The following MED12L variants were observed in gnomAD, a reference collection of about 807,000 sequenced individuals.
The protein encoded by MED12L is mediator of RNA polymerase II transcription subunit 12-like protein.
In MED12L, 60 loss-of-function variants were observed where a neutral mutation model predicts 281.3. The ratio of observed to expected loss-of-function variants is 0.21; its 90% confidence interval spans 0.17 to 0.26. The LOEUF is 0.26. Among genes scored for constraint, MED12L ranks in the 10% least tolerant of loss-of-function variants. The pLI, the probability that MED12L is intolerant of heterozygous loss-of-function variation, is 1.00. For missense variants in MED12L, 2,146 were observed against 2,680.9 expected, an observed-to-expected ratio of 0.80 and a Z score of 4.41; for synonymous variants, 974 against 987.2, an observed-to-expected ratio of 0.99 and a Z score of 0.25.
chr3:151,158,911 A>G (rs1465496616), intron 7 of MED12L, 112 bp downstream of exon 7: 16 of 724,082 alleles, frequency 2.2e-5, no homozygotes, highest in Non-Finnish European at 3.6e-5. Flanking sequence ...TTGAAATGGA[A>G]GGAAAAAATG....
chr3:151,239,586 A>C (rs1422071807), intron 16 of MED12L, among the ~76,000 whole-genome samples: 1 of 152,220 alleles, frequency 6.6e-6, no homozygotes, highest in Non-Finnish European at 1.5e-5. Context: ...TTAACCTGCT[A>C]TTTAAAAGTT....
intron 23 of MED12L, 86 bp downstream of exon 23, chr3:151,366,077 A>T: frequency 8.7e-7 from 1 of 1,150,724 alleles, no homozygotes; most frequent in East Asian, 2.5e-5. Context: ...GCTTTTATTT[A>T]ATTGATTCAA....
chr3:151,368,455 C>T (rs1021736653), intron 25 of MED12L, among the ~76,000 whole-genome samples: 1 of 151,934 alleles, frequency 6.6e-6, no homozygotes, highest in Admixed American at 6.6e-5. Flanking sequence ...TTGAGAAATA[C>T]GAATCAAGAG....
intron 16 of MED12L, among the ~76,000 whole-genome samples, chr3:151,195,194 G>A (rs746889644): frequency 6.6e-6 from 1 of 152,060 alleles, no homozygotes; most frequent in Non-Finnish European, 1.5e-5. Context: ...GATGTATTAC[G>A]TTACTTTCTG....
intron 42 of MED12L, among the ~76,000 whole-genome samples, chr3:151,416,032 TG>T (rs1046406541): frequency 1.3e-5 from 2 of 152,054 alleles, no homozygotes; most frequent in African/African-American, 4.8e-5. Context: ...GCAGAAGGGA[TG>T]GCCCCGGACA....
chr3:151,303,394 G>A (rs1485776703), intron 16 of MED12L, among the ~76,000 whole-genome samples: 3 of 152,052 alleles, frequency 2.0e-5, no homozygotes, highest in Non-Finnish European at 4.4e-5. Flanking sequence ...CTCCTGGCTG[G>A]TGATGTCTAT....
chr3:151,275,434 T>C (rs963198455), intron 16 of MED12L, among the ~76,000 whole-genome samples: 8 of 151,974 alleles, frequency 5.3e-5, no homozygotes, highest in African/African-American at 1.9e-4. Flanking sequence ...AAACAACAGA[T>C]GGGAGGTTTC....
At chr3:151,417,547 G>A (rs1364760732) in intron 43 of MED12L, among the ~76,000 whole-genome samples, 1 of 130,688 alleles carries the variant, frequency 7.7e-6, no homozygotes, top group Non-Finnish European at 1.5e-5. Context: ...GGAGTGCAGT[G>A]CGATCTCAGC....
rs1250814831 is a variant in MED12L at position 151,220,150 on chromosome 3, G to T, written c.2250+26484G>T. Among the ~76,000 whole-genome samples, 3 of 148,606 alleles carry T rather than the reference G, an allele frequency of 2.0e-5. No homozygotes were observed. The East Asian group carries it at 5.9e-4, about 29-fold the overall frequency. On this transcript the variant is annotated intron_variant, in intron 16 of 44. Transcript: ENST00000687756. ...ATGCCAGTAACCCACTACCCAAGTT[G>T]CGGTAATCAAAAATGTTTCTAGACT... is the stretch of plus-strand genomic sequence containing the variant.
At chr3:151,122,255 C>A (rs1004015754) in intron 3 of MED12L, among the ~76,000 whole-genome samples, 2 of 152,134 alleles carry the variant, frequency 1.3e-5, no homozygotes, top group African/African-American at 2.4e-5. Context: ...TTTAATTGAA[C>A]CTTTTGTAAT....
intron 16 of MED12L, among the ~76,000 whole-genome samples, chr3:151,277,261 G>A (rs1260537077): frequency 6.6e-6 from 1 of 151,508 alleles, no homozygotes; most frequent in Non-Finnish European, 1.5e-5. Flanking sequence ...ATATACCAAT[G>A]TGTTAATTGT....
chr3:151,287,354 A>G (rs1465951899), intron 16 of MED12L, among the ~76,000 whole-genome samples: 11 of 152,192 alleles, frequency 7.2e-5, no homozygotes, highest in South Asian at 2.1e-4. Context: ...GGGTTGAGCT[A>G]CAGTGGGTAC....
intron 32 of MED12L, among the ~76,000 whole-genome samples, chr3:151,380,719 T>G (rs1712148072): frequency 3.3e-5 from 5 of 152,192 alleles, no homozygotes; most frequent in Admixed American, 3.3e-4. Context: ...CAACTTTATA[T>G]TAATGAGATA....
At chr3:151,166,305 C>G (rs1461486754) in intron 11 of MED12L, among the ~76,000 whole-genome samples, 7 of 152,026 alleles carry the variant, frequency 4.6e-5, no homozygotes, top group African/African-American at 1.7e-4. Flanking sequence ...TTGGCTTTAA[C>G]TTGGGGGAAT....
At chr3:151,128,494 C>T (rs73014887) in intron 5 of MED12L, among the ~76,000 whole-genome samples, 2 of 152,160 alleles carry the variant, frequency 1.3e-5, no homozygotes, top group African/African-American at 2.4e-5. Flanking sequence ...CGGCTCCCCC[C>T]CTTCCTGTGA....
rs745925780 is a variant in MED12L at position 151,411,408 on chromosome 3, C to G, written c.6041C>G (p.Pro2014Arg). ...SRAYPAAHSNPVLMERLRQIQ... is the reference protein window; with the variant it reads ...SRAYPAAHSNRVLMERLRQIQ... The stretch of plus-strand genomic sequence containing the variant: ...GCCTATCCGGCCGCACATTCCAACC[C>G]CGTGCTAATGGAAAGACTCAGACAG... Residue 2014 changes from proline (P) to arginine (R), a missense_variant, in exon 41 of 45, where the codon CCC becomes CGC. Transcript: ENST00000687756. 1.2e-6 allele frequency: 2 copies of G among 1,614,198 alleles called. No individual in the cohort carries two copies. The highest frequency in any genetic ancestry group is 4.5e-5 in the East Asian group (2 of 44,874).
intron 21 of MED12L, among the ~76,000 whole-genome samples, chr3:151,363,030 A>T (rs1398874219): frequency 6.6e-6 from 1 of 152,038 alleles, no homozygotes; most frequent in Non-Finnish European, 1.5e-5. Context: ...AGCCTATTTG[A>T]CCCTTAATAC....
At chr3:151,347,648 T>C (rs548068265) in intron 16 of MED12L, among the ~76,000 whole-genome samples, 157 of 152,150 alleles carry the variant, frequency 1.0e-3, no homozygotes, top group African/African-American at 3.4e-3. Flanking sequence ...CCTGGAGTCT[T>C]GGTGAAATGT....
chr3:151,215,275 G>T (rs1027679659), intron 16 of MED12L, among the ~76,000 whole-genome samples: 12 of 152,108 alleles, frequency 7.9e-5, no homozygotes, highest in African/African-American at 2.9e-4. Flanking sequence ...CCATGTGTGG[G>T]TATTGAGCAC....
Sources: allele counts gnomAD v4.1 joint callset (sites outside exome capture counted in the v4.1 genomes callset), GRCh38; gene constraint gnomAD v4.1.1; transcripts MANE v1.5; gene names NCBI Gene and HGNC (gene_info 2026-07-23, HGNC 2026-07-21).